The following GLI2 variants were observed in gnomAD, a reference collection of about 807,000 sequenced individuals.
The protein encoded by GLI2 is GLI family zinc finger 2.
Under a neutral mutation model 78.9 loss-of-function variants are expected in GLI2, and 22 were observed. That is an observed-to-expected ratio of 0.28 (90% CI 0.20 to 0.40). GLI2 has a LOEUF of 0.40. Among genes scored for constraint, GLI2 ranks in the 10% least tolerant of loss-of-function variants. The pLI, the probability that GLI2 is intolerant of heterozygous loss-of-function variation, is 1.00. For missense variants in GLI2, 2,097 were observed against 2,213.2 expected, an observed-to-expected ratio of 0.95 and a Z score of 1.05; for synonymous variants, 974 against 963.7, an observed-to-expected ratio of 1.01 and a Z score of -0.20.
intron 8 of GLI2, among the ~76,000 whole-genome samples, chr2:120,973,392 C>T (rs777881363): frequency 2.6e-5 from 4 of 152,230 alleles, no homozygotes; most frequent in Non-Finnish European, 5.9e-5. Context: ...CTATGCCCGC[C>T]CTCCAACCCT....
In GLI2 at chr2:120,988,306, A is replaced by T; in HGVS notation, c.2341A>T (p.Met781Leu). 6.4e-7 allele frequency: 1 copy of T among 1,563,882 alleles called. No individual in the cohort carries two copies. Among genetic ancestry groups the T allele is most frequent in the Admixed American group, 1.8e-5 (1 of 56,680 alleles). ...LSELSASEVT[M>L]LSQLQERRDS... ...GGAGCTGTCCGCGAGCGAGGTGACC[A>T]TGCTGAGCCAGCTGCAGGAGCGCCG... The change falls in exon 14 of 14, where the codon ATG becomes TTG. Residue 781 changes from methionine to leucine, a missense_variant. By Grantham distance (15) the Met-to-Leu change is conservative (BLOSUM62 2). Around this residue, in one of 5 missense-constraint regions of GLI2, gnomAD observed 1,290 missense variants for 1,261.7 expected, o/e 1.02. Coordinates refer to ENST00000361492, the MANE Select transcript of GLI2 (RefSeq NM_001374353.1).
At chr2:120,843,755 C>T (rs1686989362) in intron 2 of GLI2, among the ~76,000 whole-genome samples, 1 of 152,168 alleles carries the variant, frequency 6.6e-6, no homozygotes, top group Admixed American at 6.5e-5. Flanking sequence ...CAGCCTCTGC[C>T]TCCCGGGTTG....
At chr2:120,863,374 A>G (rs1270580420) in intron 2 of GLI2, among the ~76,000 whole-genome samples, 2 of 151,994 alleles carry the variant, frequency 1.3e-5, no homozygotes, top group African/African-American at 4.8e-5. Flanking sequence ...CGCGGTCTCC[A>G]CCCCACACCT....
At chr2:120,826,630 ATTGCC>A (rs1686076960) in intron 2 of GLI2, among the ~76,000 whole-genome samples, 1 of 152,110 alleles carries the variant, frequency 6.6e-6, no homozygotes, top group African/African-American at 2.4e-5. Flanking sequence ...GATTCCCTGC[ATTGCC>A]GTTTTACAGA....
intron 5 of GLI2, among the ~76,000 whole-genome samples, chr2:120,965,798 A>G (rs1305123591): frequency 6.6e-6 from 1 of 152,200 alleles, no homozygotes; most frequent in Admixed American, 6.5e-5. Context: ...AGCCTGCTCC[A>G]TGGGCCTCCC....
At chr2:120,842,415 T>G (rs1686931167) in intron 2 of GLI2, among the ~76,000 whole-genome samples, 1 of 152,220 alleles carries the variant, frequency 6.6e-6, no homozygotes, top group Non-Finnish European at 1.5e-5. Context: ...GAGCGCTTCT[T>G]CATTTGTTTT....
At chr2:120,916,485 A>C (rs1679105461) in intron 2 of GLI2, among the ~76,000 whole-genome samples, 1 of 152,240 alleles carries the variant, frequency 6.6e-6, no homozygotes, top group Non-Finnish European at 1.5e-5. Context: ...ACCTCATGGA[A>C]ATCTTTTCCT....
intron 3 of GLI2, among the ~76,000 whole-genome samples, chr2:120,948,586 A>G (rs75712234): frequency 0.022 from 3,369 of 152,238 alleles, 132 homozygotes; most frequent in African/African-American, 0.078. Context: ...GGCTGTGACA[A>G]CACCTCACTC....
At chr2:120,921,485 G>A in intron 2 of GLI2, among the ~76,000 whole-genome samples, 1 of 152,112 alleles carries the variant, frequency 6.6e-6, no homozygotes, top group East Asian at 1.9e-4. Flanking sequence ...AATAAGCGAG[G>A]CCCTTTGCCT....
chr2:120,836,210 T>G (rs1192840910), intron 2 of GLI2, among the ~76,000 whole-genome samples: 2 of 152,180 alleles, frequency 1.3e-5, no homozygotes, highest in African/African-American at 4.8e-5. Context: ...AGGAGTAGCG[T>G]CAGACCAGAG....
In GLI2 at chr2:120,927,434, T is replaced by A. The variant is rs762881299; in HGVS notation, c.222T>A (p.His74Gln). The change falls in exon 3 of 14, where the codon CAT becomes CAA. Residue 74 changes from histidine (H) to glutamine (Q), a missense_variant. Physicochemically the swap from His to Gln is conservative, Grantham distance 24 (BLOSUM62 0). Around this residue, in one of 5 missense-constraint regions of GLI2, gnomAD observed 578 missense variants for 612.0 expected, o/e 0.94. Transcript: ENST00000361492. ...TGCGACACCAGGAAGGAAGGTACCA[T>A]TACGAGCCTCATTCTGTCCACGGTG... ...IDMRHQEGRYHYEPHSVHGVH... is the reference protein window; with the variant it reads ...IDMRHQEGRYQYEPHSVHGVH... 3.7e-6 allele frequency: 6 copies of A among 1,613,852 alleles called. No homozygotes were observed. In the South Asian group the frequency reaches 6.6e-5, roughly 18 times the overall value.
chr2:120,920,990 C>T, intron 2 of GLI2, among the ~76,000 whole-genome samples: 1 of 151,832 alleles, frequency 6.6e-6, no homozygotes, highest in East Asian at 1.9e-4. Context: ...GCCTATTCTT[C>T]CCACGCATCT....
intron 4 of GLI2, among the ~76,000 whole-genome samples, chr2:120,953,685 T>C (rs1454358910): frequency 6.6e-6 from 1 of 152,100 alleles, no homozygotes; most frequent in Non-Finnish European, 1.5e-5. Flanking sequence ...CTGATTGCAG[T>C]GTAGCCCATG....
chr2:120,804,041 A>C (rs1374811828), intron 2 of GLI2, among the ~76,000 whole-genome samples: 2 of 152,128 alleles, frequency 1.3e-5, no homozygotes, highest in Non-Finnish European at 2.9e-5. Context: ...CAGCCCTCCT[A>C]TCTTCTTCAT....
At chr2:120,961,195 A>G (rs1681537480) in intron 5 of GLI2, among the ~76,000 whole-genome samples, 1 of 152,176 alleles carries the variant, frequency 6.6e-6, no homozygotes, top group Non-Finnish European at 1.5e-5. Flanking sequence ...TTTTATTGTC[A>G]TATTGACACT....
chr2:120,781,809 G>A (rs902006464), intron 1 of GLI2, among the ~76,000 whole-genome samples: 9 of 152,026 alleles, frequency 5.9e-5, no homozygotes, highest in Middle Eastern at 3.2e-3. Flanking sequence ...CTTGAACCTG[G>A]GAGGCAGAGG....
intron 1 of GLI2, among the ~76,000 whole-genome samples, chr2:120,795,693 T>C (rs1684356271): frequency 6.6e-6 from 1 of 152,146 alleles, no homozygotes; most frequent in African/African-American, 2.4e-5. Context: ...CCATAACCTT[T>C]CTGCCCCACT....
At chr2:120,883,357 C>T (rs574664221) in intron 2 of GLI2, among the ~76,000 whole-genome samples, 1 of 152,196 alleles carries the variant, frequency 6.6e-6, no homozygotes, top group East Asian at 1.9e-4. Flanking sequence ...CATGGTGGCA[C>T]GTGCCTACAG....
intron 1 of GLI2, among the ~76,000 whole-genome samples, chr2:120,740,437 T>TA (rs5833850): frequency 0.47 from 70,011 of 147,504 alleles, 16,403 homozygotes; most frequent in African/African-American, 0.55. Context: ...GTGTGTTGTT[T>TA]AAAAAAAAAA....
Sources: gnomAD v4.1 joint callset for allele counts (sites outside exome capture counted in the v4.1 genomes callset) on GRCh38, gnomAD v4.1.1 for gene constraint, gnomAD v4.1.1 regional missense constraint, MANE v1.5 for transcripts, NCBI Gene and HGNC (gene_info 2026-07-23, HGNC 2026-07-21) for gene names.